ZNF282: variants seen among roughly 807,000 people sequenced by gnomAD.
The protein encoded by ZNF282 is zinc finger protein 282, also known as HTLV-I U5 repressive element-binding protein 1.
ZNF282 carries 30 observed loss-of-function variants against 61.9 expected under a neutral mutation model. The ratio of observed to expected loss-of-function variants is 0.48; its 90% CI spans 0.36 to 0.66. The LOEUF (loss-of-function observed/expected upper bound fraction) is 0.66, where lower values mean the gene tolerates loss of function less well. ZNF282 is among the 30% of genes least tolerant of loss of function. The pLI is 0.00. For synonymous variants in ZNF282, 396 were observed against 405.0 expected, an observed-to-expected ratio of 0.98 and a Z score of 0.27; for missense variants, 788 against 941.4, an observed-to-expected ratio of 0.84 and a Z score of 2.13.
In ZNF282 at chr7:149,212,917, A is replaced by G. The variant is rs149974494; in HGVS notation, c.1066+446A>G. Among the ~76,000 whole-genome samples the G allele has an allele frequency of 1.0e-3, 155 of 152,342 alleles. 1 individual carries two copies. Among genetic ancestry groups the G allele is most frequent in the African/African-American group, 3.4e-3 (142 of 41,582 alleles). ...GATTTTTGAACAATAAAAACAACCAAAAAGCATCTAAAAGCTGCATATATT... is the reference window on the plus strand; with the variant it reads ...GATTTTTGAACAATAAAAACAACCAGAAAGCATCTAAAAGCTGCATATATT... On this transcript the variant is annotated intron_variant, in intron 6 of 7. Coordinates refer to ENST00000610704, the MANE Select transcript of ZNF282 (RefSeq NM_003575.4).
At chr7:149,220,923 T>TTTTTTG (rs762859157) in intron 7 of ZNF282, among the ~76,000 whole-genome samples, 2,068 of 66,836 alleles carry the variant, frequency 0.031, 41 homozygotes, top group South Asian at 0.068. Context: ...GAGGGTTTTT[T>TTTTTTG]TTTTTTTTTT....
At chr7:149,222,675 G>T (rs769795891) in intron 7 of ZNF282, among the ~76,000 whole-genome samples, 1 of 152,088 alleles carries the variant, frequency 6.6e-6, no homozygotes, top group Non-Finnish European at 1.5e-5. Context: ...TTGAGTCAGA[G>T]TCTCGCTCTG....
In ZNF282 at chr7:149,207,350, G is replaced by A; in HGVS notation, c.713-1G>A. The stretch of plus-strand genomic sequence containing the variant: ...TTTCCCTCCCTCCTCCTCACTTCCA[G>A]ACGCGGAGGGCTCAGTCCCCAAGCC... On this transcript the variant is annotated splice_acceptor_variant, in intron 3 of 7. Coordinates refer to ENST00000610704, the MANE Select transcript of ZNF282 (RefSeq NM_003575.4). LOFTEE classifies it high-confidence loss of function. The A allele has an allele frequency of 6.3e-7, 1 of 1,587,136 alleles. No individual in the cohort carries two copies. Among genetic ancestry groups the A allele is most frequent in the Non-Finnish European group, 8.6e-7 (1 of 1,164,934 alleles).
chr7:149,205,511 C>T (rs1157550971), intron 2 of ZNF282, among the ~76,000 whole-genome samples: 2 of 152,112 alleles, frequency 1.3e-5, no homozygotes, highest in African/African-American at 4.8e-5. Flanking sequence ...GGGGCTTTTC[C>T]TGCATCTGGT....
chr7:149,195,725 G>T lies in ZNF282; in HGVS notation c.136G>T (p.Glu46Ter). 1 of 1,540,886 alleles carries T rather than the reference G, an allele frequency of 6.5e-7. No individual in the cohort carries two copies. ...CCACCAGGAGCCGGCGCTGCGCGGGGAAATGGCCGAGGGAATGCCGCCCAT... is the reference window on the plus strand; with the variant it reads ...CCACCAGGAGCCGGCGCTGCGCGGGTAAATGGCCGAGGGAATGCCGCCCAT... ...VCHQEPALRG[E>*]MAEGMPPMQA... Residue 46 changes from glutamate to a stop codon, truncating the protein, a stop_gained, in exon 1 of 8, where the codon GAA (glutamate) becomes TAA (stop). Transcript: ENST00000610704. LOFTEE classifies it high-confidence loss of function.
chr7:149,224,818 A>C lies in ZNF282; in HGVS notation c.*171A>C. On this transcript the variant is annotated 3_prime_UTR_variant, in exon 8 of 8. Coordinates refer to ENST00000610704, the MANE Select transcript of ZNF282 (RefSeq NM_003575.4). ...GATCCCCCAGATCTGTCTGGTCTGA[A>C]TGGACGCCCAGCTCATCTAGGGTGG... is the stretch of plus-strand genomic sequence containing the variant. 8.2e-7 allele frequency: 1 copy of C among 1,217,706 alleles called. No individual in the cohort carries two copies. The highest frequency in any genetic ancestry group is 1.1e-6 in the Non-Finnish European group (1 of 904,086). The allele number at this position is 1,217,706 out of a possible 1,614,324, so 75.4% of individuals were successfully genotyped here.
chr7:149,220,924 T>TTTTG (rs1554471498), intron 7 of ZNF282, among the ~76,000 whole-genome samples: 5,392 of 85,864 alleles, frequency 0.063, 131 homozygotes, highest in Middle Eastern at 0.091. Context: ...AGGGTTTTTT[T>TTTTG]TTTTTTTTTT....
chr7:149,196,346 C>CTGGGCAGCT (rs2129522887), intron 1 of ZNF282, among the ~76,000 whole-genome samples: 1 of 152,326 alleles, frequency 6.6e-6, no homozygotes, highest in African/African-American at 2.4e-5. Context: ...TTGGAATGGC[C>CTGGGCAGCT]TGGGCAGCTT....
chr7:149,215,287 C>T (rs955250534), intron 7 of ZNF282, among the ~76,000 whole-genome samples: 11 of 149,172 alleles, frequency 7.4e-5, no homozygotes, highest in Admixed American at 2.1e-4. Flanking sequence ...ACCACAACCT[C>T]CGCCTTCTGG....
intron 4 of ZNF282, among the ~76,000 whole-genome samples, chr7:149,207,807 A>G (rs1796020888): frequency 6.6e-6 from 1 of 152,208 alleles, no homozygotes. Context: ...AGGAGGGAAA[A>G]AGGAGTCTGC....
rs200654652 is a variant in ZNF282, at chr7:149,217,178, AT to A, written c.1180+3372del. Among the ~76,000 whole-genome samples, 411 of 152,062 alleles carry A rather than the reference AT, an allele frequency of 2.7e-3. 1 individual carries two copies. Among genetic ancestry groups the A allele is most frequent in the African/African-American group, 9.6e-3 (398 of 41,462 alleles). Reference sequence around the variant, plus strand: ...GTGGTTCCAACCTTTCATAGTTTATATTTTTTTTAGCAGGTATTTACTTAAT... The same window carrying A: ...GTGGTTCCAACCTTTCATAGTTTATATTTTTTTAGCAGGTATTTACTTAAT... On this transcript the variant is annotated intron_variant, in intron 7 of 7. Transcript: ENST00000610704.
intron 1 of ZNF282, 39 bp downstream of exon 1, chr7:149,195,793 G>T: frequency 2.1e-6 from 3 of 1,441,476 alleles, no homozygotes; most frequent in Non-Finnish European, 2.7e-6. Context: ...GCGCTGCCGT[G>T]GGGGCGGGGC....
intron 7 of ZNF282, among the ~76,000 whole-genome samples, chr7:149,223,425 G>A (rs1796292051): frequency 6.6e-6 from 1 of 152,172 alleles, no homozygotes; most frequent in East Asian, 1.9e-4. Flanking sequence ...TACAGCCTGG[G>A]AGACAGAGCC....
chr7:149,210,703 C>T lies in ZNF282; in HGVS notation c.951C>T (p.Thr317=), dbSNP rs778020179. 18 of 1,587,438 alleles carry T rather than the reference C, an allele frequency of 1.1e-5. No homozygotes were observed. The highest frequency in any genetic ancestry group is 3.3e-4 in the Middle Eastern group (2 of 5,986). The change falls in exon 5 of 8, where the codon ACC becomes ACT. Residue 317 remains threonine, a splice_region_variant and synonymous_variant. Coordinates refer to ENST00000610704, the MANE Select transcript of ZNF282 (RefSeq NM_003575.4). ...GAGCCATCCCTACGGAATCCATTAC[C>T]GGTGAGTGAGCCAAGCAGCCGTCCA... ...EERAIPTESI[T]DSPISAQDLL... is the part of the protein sequence containing the mutation.
rs1487221057 is a variant in ZNF282, at chr7:149,195,753, A to T, written c.164A>T (p.Gln55Leu). The T allele has an allele frequency of 1.3e-6, 2 of 1,507,538 alleles. No individual in the cohort carries two copies. The highest frequency in any genetic ancestry group is 2.9e-5 in the East Asian group (1 of 34,792). The allele number at this position is 1,507,538 out of a possible 1,614,324, so 93.4% of individuals were successfully genotyped here. ...GEMAEGMPPM[Q>L]AQEWDMDARR... ...ATGGCCGAGGGAATGCCGCCCATGC[A>T]GGTGGGAGAACCCCGCCGGCGCCAT... Residue 55 changes from glutamine (Q) to leucine (L), a missense_variant and splice_region_variant, in exon 1 of 8, where the codon CAG becomes CTG. Transcript: ENST00000610704.
rs1458922742 is a variant in ZNF282 at position 149,225,719 on chromosome 7, C to T, written c.*1072C>T. 6.5e-6 allele frequency: 1 copy of T among 152,788 alleles called. No homozygotes were observed. Among genetic ancestry groups the T allele is most frequent in the Admixed American group, 6.5e-5 (1 of 15,292 alleles). 9.5% of individuals were successfully genotyped at this position (152,788 alleles called of 1,614,324 possible). ...GGCAAGTGGGTGCTAGAGTCTGAGC[C>T]TCAGGCTCTCCTGCCCTGGGCCTCC... On this transcript the variant is annotated 3_prime_UTR_variant, in exon 8 of 8. Transcript: ENST00000610704.
Position 149,210,646 on chromosome 7 carries a change from G to A in ZNF282, c.894G>A (p.Leu298=), listed in dbSNP as rs1333630234. The change falls in exon 5 of 8, where the codon CTG becomes CTA. Residue 298 remains leucine, a synonymous_variant. Coordinates refer to ENST00000610704, the MANE Select transcript of ZNF282 (RefSeq NM_003575.4). ...CCCAGGTGAAGCGTGAGGACACCCT[G>A]TGTGTCCGGGGTCAGCGGGGCCTGG... ...ASSQVKREDT[L]CVRGQRGLEE... 8.7e-6 allele frequency: 14 copies of A among 1,612,016 alleles called. No homozygotes were observed. Among genetic ancestry groups the A allele is most frequent in the Non-Finnish European group, 1.2e-5 (14 of 1,179,320 alleles).
intron 7 of ZNF282, among the ~76,000 whole-genome samples, chr7:149,214,896 C>T (rs1364889981): frequency 1.3e-5 from 2 of 152,100 alleles, no homozygotes; most frequent in African/African-American, 2.4e-5. Context: ...GCTACCATCC[C>T]GGAGTCACTG....
intron 6 of ZNF282, 127 bp from the exon 7 acceptor site, chr7:149,213,574 A>G (rs1796117787): frequency 1.5e-6 from 1 of 679,312 alleles, no homozygotes; most frequent in Admixed American, 2.3e-5. Context: ...TGGCCTGGAA[A>G]TGCAACACCG....
Sources: gnomAD v4.1 joint callset for allele counts (sites outside exome capture counted in the v4.1 genomes callset) on GRCh38, gnomAD v4.1.1 for gene constraint, MANE v1.5 for transcripts, NCBI Gene and HGNC (gene_info 2026-07-23, HGNC 2026-07-21) for gene names.